Variants in ECE1 observed in about 807,000 individuals in gnomAD.
The protein encoded by ECE1 is endothelin converting enzyme 1.
ECE1 carries 35 observed loss-of-function variants against 98.6 expected under a neutral mutation model. The observed-to-expected ratio is 0.35, with a 90% CI of 0.27 to 0.47. ECE1 has a LOEUF of 0.47. Among genes scored for constraint, ECE1 ranks in the 20% least tolerant of loss-of-function variants. The pLI is 1.00. For missense variants in ECE1, 814 were observed against 1,025.3 expected (o/e 0.79, Z 2.81); for synonymous variants, 394 against 407.1 (o/e 0.97, Z 0.39).
At chr1:21,324,965 A>G (rs1411618089) in intron 1 of ECE1, among the ~76,000 whole-genome samples, 6 of 152,238 alleles carry the variant, frequency 3.9e-5, no homozygotes, top group Non-Finnish European at 8.8e-5. Flanking sequence ...AGAAGGAGAA[A>G]AACAGTTCTC....
Position 21,311,509 on chromosome 1 carries a change from C to CAAAAAAAAAAAAA in ECE1, c.4-21366_4-21354dup, listed in dbSNP as rs397979522. On this transcript the variant is annotated intron_variant, in intron 1 of 18. Coordinates refer to the ECE1 transcript ENST00000415912. ...GGAACATAGTGAGACCCTGTCTCCA[C>CAAAAAAAAAAAAA]AAAAAAAAAAAAAAAAAAAAATTAG... is the stretch of plus-strand genomic sequence containing the variant. Among the ~76,000 whole-genome samples the CAAAAAAAAAAAAA allele has an allele frequency of 1.7e-3, 123 of 74,208 alleles. 3 individuals carry two copies. The highest frequency in any genetic ancestry group is 2.5e-3 in the South Asian group (6 of 2,400). The allele number at this position is 74,208 out of a possible 152,430, so 48.7% of individuals were successfully genotyped here. A position where few individuals can be genotyped will look rare whatever the true frequency, so the allele number is the denominator to read the frequency against.
chr1:21,289,920 G>T (rs28367914), intron 2 of ECE1, 150 bp downstream of exon 2: 10 of 1,033,732 alleles, frequency 9.7e-6, no homozygotes, highest in Non-Finnish European at 1.3e-5. Flanking sequence ...CTCCAGCTGC[G>T]GGGAGGCGCG....
At chr1:21,289,974 G>T in intron 2 of ECE1, 96 bp downstream of exon 2, 1 of 1,245,732 alleles carries the variant, frequency 8.0e-7, no homozygotes, top group Non-Finnish European at 1.0e-6. Flanking sequence ...GGGAGGGGAA[G>T]AGGCGGGGTA....
At chr1:21,228,258 C>T (rs1013948532) in intron 14 of ECE1, among the ~76,000 whole-genome samples, 8 of 151,948 alleles carry the variant, frequency 5.3e-5, no homozygotes, top group African/African-American at 7.2e-5. Context: ...GGAGTGCAGT[C>T]GTGTGATCAT....
Position 21,307,134 on chromosome 1 carries a change from C to G in ECE1, c.4-16978G>C, listed in dbSNP as rs1638615489. Among the ~76,000 whole-genome samples, 1 of 152,212 alleles carries G rather than the reference C, an allele frequency of 6.6e-6. No individual in the cohort carries two copies. Among genetic ancestry groups the G allele is most frequent in the African/African-American group, 2.4e-5 (1 of 41,448 alleles). On this transcript the variant is annotated intron_variant, in intron 1 of 18. Transcript: ENST00000415912. The surrounding 1 kb of genome is among the most constrained non-coding windows in gnomAD (Gnocchi z 4.2). ...CTTCCTCTGGGTCCAGCATGGGTCT[C>G]AGCTCCCAGACTGCTCCCTGCTTAG...
chr1:21,287,254 G>A (rs2098261518), intron 2 of ECE1, among the ~76,000 whole-genome samples: 1 of 152,164 alleles, frequency 6.6e-6, no homozygotes, highest in South Asian at 2.1e-4. Context: ...GGCTGGATGT[G>A]GTGGCTCATG....
chr1:21,245,764 T>C (rs1017871386), intron 9 of ECE1, among the ~76,000 whole-genome samples: 1 of 152,150 alleles, frequency 6.6e-6, no homozygotes, highest in Admixed American at 6.5e-5. Context: ...AAAAATGATG[T>C]TTGCAGAGGT....
In ECE1 at chr1:21,258,657, C is replaced by G; in HGVS notation, c.762+36G>C. The stretch of plus-strand genomic sequence containing the variant: ...ACTCAAAACAGGAAGAGGTCGTGCC[C>G]GCCCCCTCGACCGCTGCAGGTTCAA... On this transcript the variant is annotated intron_variant, in intron 6 of 18. Transcript: ENST00000374893. This position sits in a 1 kb window ranked among gnomAD's most constrained non-coding sequence, Gnocchi z 4.2. 1.2e-6 allele frequency: 2 copies of G among 1,613,870 alleles called. No homozygotes were observed. The highest frequency in any genetic ancestry group is 4.5e-5 in the East Asian group (2 of 44,860).
chr1:21,248,312 A>C (rs1225143981), intron 8 of ECE1, among the ~76,000 whole-genome samples: 3 of 152,090 alleles, frequency 2.0e-5, no homozygotes, highest in African/African-American at 7.2e-5. Context: ...CTGGGATTAC[A>C]ACAGGCACCC....
chr1:21,231,571 A>G (rs2098181769), intron 14 of ECE1, among the ~76,000 whole-genome samples: 1 of 152,092 alleles, frequency 6.6e-6, no homozygotes, highest in African/African-American at 2.4e-5. Flanking sequence ...TGAACTCCTG[A>G]CCTCAAGTGA....
At chr1:21,321,274 C>G (rs1038471448) in intron 1 of ECE1, among the ~76,000 whole-genome samples, 8 of 152,156 alleles carry the variant, frequency 5.3e-5, no homozygotes, top group Non-Finnish European at 8.8e-5. Context: ...TAACATAAAC[C>G]AGAAAGCCAG....
At chr1:21,309,853 G>A (rs1445279655) in intron 1 of ECE1, among the ~76,000 whole-genome samples, 7 of 149,176 alleles carry the variant, frequency 4.7e-5, no homozygotes, top group African/African-American at 9.9e-5. Flanking sequence ...GTGTAGTGGC[G>A]CGATCTCGGC....
rs1011808445 is a variant in ECE1, at chr1:21,236,815, C to T, written c.1419G>A (p.Lys473=). 20 of 1,613,886 alleles carry T rather than the reference C, an allele frequency of 1.2e-5. No homozygotes were observed. The highest frequency in any genetic ancestry group is 1.7e-5 in the Non-Finnish European group (20 of 1,180,020). ...IATEIILEIK[K]AFEESLSTLK... ...GGGTGCTCAGGCTTTCCTCAAATGC[C>T]TTCTTAATCTCCAGGATGATCTCGG... The change falls in exon 12 of 19, where the codon AAG becomes AAA. Residue 473 remains lysine, a synonymous_variant. Coordinates refer to ENST00000374893, the MANE Select transcript of ECE1 (RefSeq NM_001397.3).
chr1:21,237,579 C>A (rs947065099), intron 11 of ECE1, among the ~76,000 whole-genome samples: 1 of 152,132 alleles, frequency 6.6e-6, no homozygotes, highest in East Asian at 1.9e-4. Flanking sequence ...ATTAGCTGAA[C>A]CCTTATTGTA....
intron 1 of ECE1, among the ~76,000 whole-genome samples, chr1:21,325,298 G>A (rs1420236937): frequency 2.0e-5 from 3 of 152,206 alleles, no homozygotes; most frequent in Admixed American, 2.0e-4. Flanking sequence ...CAGGTGCCAG[G>A]ACAAGCCAGC....
intron 1 of ECE1, among the ~76,000 whole-genome samples, chr1:21,305,862 G>A (rs545049868): frequency 6.6e-6 from 1 of 152,334 alleles, no homozygotes; most frequent in Non-Finnish European, 1.5e-5. Context: ...CATGGTGGCA[G>A]GACAGGGAGC....
chr1:21,246,789 G>A (rs1263841246), intron 9 of ECE1, among the ~76,000 whole-genome samples: 1 of 152,006 alleles, frequency 6.6e-6, no homozygotes, highest in East Asian at 1.9e-4. Flanking sequence ...CCCTCTCAAG[G>A]AGCTGGGTGA....
intron 17 of ECE1, among the ~76,000 whole-genome samples, chr1:21,224,486 T>C (rs2098171230): frequency 6.6e-6 from 1 of 152,172 alleles, no homozygotes; most frequent in African/African-American, 2.4e-5. Context: ...GTTTCTGGGC[T>C]CAGTGTGCTT....
chr1:21,284,860 G>T (rs2098258849), intron 2 of ECE1, among the ~76,000 whole-genome samples: 1 of 152,204 alleles, frequency 6.6e-6, no homozygotes, highest in African/African-American at 2.4e-5. Context: ...GTCTGGCAGG[G>T]ATCCCACCCC....
Sources: allele counts gnomAD v4.1 joint callset (sites outside exome capture counted in the v4.1 genomes callset), GRCh38; gene constraint gnomAD v4.1.1; non-coding constraint Gnocchi (gnomAD v3.1); transcripts MANE v1.5; gene names NCBI Gene and HGNC (gene_info 2026-07-23, HGNC 2026-07-21).